Variants in LAMP5 observed in about 807,000 individuals in gnomAD.
LAMP5 encodes the protein lysosome-associated membrane glycoprotein 5.
LAMP5 carries 36 observed loss-of-function variants against 30.2 expected under a neutral mutation model. That is an observed-to-expected ratio of 1.19 (90% CI 0.91 to 1.57). The LOEUF (loss-of-function observed/expected upper bound fraction) is 1.57, where lower values mean the gene tolerates loss of function less well. LAMP5 is among the 40% of genes most tolerant of loss of function. The pLI, the probability that LAMP5 is intolerant of heterozygous loss-of-function variation, is 0.00. For synonymous variants in LAMP5, 149 were observed against 134.6 expected (o/e 1.11, Z -0.74); for missense variants, 377 against 354.9 (o/e 1.06, Z -0.50).
chr20:9,517,827 A>G (rs1020296618), intron 4 of LAMP5, among the ~76,000 whole-genome samples: 3 of 152,128 alleles, frequency 2.0e-5, no homozygotes, highest in African/African-American at 7.2e-5. Context: ...AGGAGTTCCA[A>G]ATTAATATTG....
chr20:9,528,297 G>GGTGTGT (rs61258824), intron 5 of LAMP5, among the ~76,000 whole-genome samples: 1 of 140,194 alleles, frequency 7.1e-6, no homozygotes, highest in African/African-American at 2.7e-5. Context: ...GAAGGATATG[G>GGTGTGT]GTGTGTGTGT....
At chr20:9,526,109 C>A (rs1405110365) in intron 5 of LAMP5, among the ~76,000 whole-genome samples, 1 of 152,176 alleles carries the variant, frequency 6.6e-6, no homozygotes, top group Admixed American at 6.5e-5. Context: ...GGGGCCTACT[C>A]AAGTAGCAGC....
At chr20:9,528,321 T>TGCGC (rs71331378) in intron 5 of LAMP5, among the ~76,000 whole-genome samples, 19 of 151,248 alleles carry the variant, frequency 1.3e-4, no homozygotes, top group African/African-American at 4.1e-4. Context: ...TGTGTGTGTG[T>TGCGC]GCGTGTGTGT....
intron 5 of LAMP5, among the ~76,000 whole-genome samples, chr20:9,522,884 G>T (rs941700980): frequency 3.3e-5 from 5 of 151,810 alleles, no homozygotes; most frequent in Non-Finnish European, 7.4e-5. Context: ...GTGGGATAGG[G>T]TGTATACAAT....
rs1420415682 is a variant in LAMP5, at chr20:9,529,755, C to A, written c.778C>A (p.His260Asn). The change falls in exon 6 of 6, where the codon CAC becomes AAC. Residue 260 changes from histidine to asparagine, a missense_variant. His to Asn is a moderately conservative substitution (Grantham distance 68). Transcript: ENST00000246070. The stretch of plus-strand genomic sequence containing the variant: ...AACACTCGCGATTTACCACGTCCAC[C>A]ACAAAATGACTGCCAACCAGGTGCA... ...MVTLAIYHVH[H>N]KMTANQVQIP... 1.9e-6 allele frequency: 3 copies of A among 1,614,226 alleles called. 1 individual carries two copies. In the East Asian group the frequency reaches 6.7e-5, roughly 36 times the overall value.
chr20:9,519,105 T>C (rs896360601), intron 5 of LAMP5, among the ~76,000 whole-genome samples: 3 of 152,218 alleles, frequency 2.0e-5, no homozygotes, highest in Admixed American at 6.5e-5. Flanking sequence ...TTTGTTCAAG[T>C]CAAGCAACAA....
Position 9,518,090 on chromosome 20 carries a change from G to C in LAMP5, c.526G>C (p.Ala176Pro), listed in dbSNP as rs140401099. The change falls in exon 5 of 6, where the codon GCT (alanine) becomes CCT (proline). Residue 176 changes from alanine (A) to proline (P), a missense_variant. Ala to Pro is a conservative substitution (Grantham distance 27). Transcript: ENST00000246070. ...SHHLSALVTP[A>P]GKSYECQAQQ... is the part of the protein sequence containing the mutation. ...CCACCTCTCTGCCTTGGTCACCCCCGCTGGGAAGTCCTATGAGTGTCAAGC... is the reference window on the plus strand; with the variant it reads ...CCACCTCTCTGCCTTGGTCACCCCCCCTGGGAAGTCCTATGAGTGTCAAGC... The C allele has an allele frequency of 1.2e-6, 2 of 1,614,122 alleles. No individual in the cohort carries two copies. Among genetic ancestry groups the C allele is most frequent in the Non-Finnish European group, 1.7e-6 (2 of 1,180,018 alleles).
chr20:9,515,699 C>G, intron 2 of LAMP5, 74 bp downstream of exon 2: 2 of 1,522,172 alleles, frequency 1.3e-6, no homozygotes, highest in Admixed American at 3.7e-5. Flanking sequence ...CAAGGCTCTT[C>G]GAAGACCTGG....
chr20:9,518,998 G>A (rs1222120319), intron 5 of LAMP5, among the ~76,000 whole-genome samples: 1 of 152,216 alleles, frequency 6.6e-6, no homozygotes, highest in East Asian at 1.9e-4. Flanking sequence ...TCTGAAAGGG[G>A]ACCCAGCTGT....
intron 2 of LAMP5, 69 bp from the exon 3 acceptor site, chr20:9,515,931 C>T: frequency 7.0e-7 from 1 of 1,422,552 alleles, no homozygotes; most frequent in Non-Finnish European, 9.2e-7. Context: ...AGTTTGGACG[C>T]GCCGCCCTTT....
intron 2 of LAMP5, 21 bp downstream of exon 2, chr20:9,515,646 C>G (rs75102532): frequency 3.1e-6 from 5 of 1,611,094 alleles, no homozygotes; most frequent in African/African-American, 2.7e-5. Flanking sequence ...TTTCCCCCCC[C>G]TCAGCTTGCT....
At chr20:9,517,438 AT>A (rs11379487) in intron 4 of LAMP5, among the ~76,000 whole-genome samples, 16 of 150,144 alleles carry the variant, frequency 1.1e-4, no homozygotes, top group South Asian at 6.4e-4. Flanking sequence ...ATTATTAGGG[AT>A]TTTTTTTTTC....
chr20:9,525,363 G>T (rs1199952333), intron 5 of LAMP5, among the ~76,000 whole-genome samples: 2 of 152,178 alleles, frequency 1.3e-5, no homozygotes. Flanking sequence ...CAGGCACTGT[G>T]CTTGGCCTTC....
intron 5 of LAMP5, among the ~76,000 whole-genome samples, chr20:9,524,052 T>C (rs1195226257): frequency 4.6e-5 from 7 of 152,218 alleles, no homozygotes; most frequent in Admixed American, 3.3e-4. Context: ...ATAGAAATCA[T>C]AGGTATTTTC....
intron 5 of LAMP5, among the ~76,000 whole-genome samples, chr20:9,520,000 T>C: frequency 6.6e-6 from 1 of 152,236 alleles, no homozygotes; most frequent in East Asian, 1.9e-4. Context: ...CAGAGCTACT[T>C]TCCTAAAAAT....
Position 9,529,926 on chromosome 20 carries a change from A to G in LAMP5, c.*106A>G. 3 of 1,137,900 alleles carry G rather than the reference A, an allele frequency of 2.6e-6. No individual in the cohort carries two copies. The allele number at this position is 1,137,900 out of a possible 1,614,324, so 70.5% of individuals were successfully genotyped here. On this transcript the variant is annotated 3_prime_UTR_variant, in exon 6 of 6. Transcript: ENST00000246070. The stretch of plus-strand genomic sequence containing the variant: ...CACGAGATACACCAACATAGCTACA[A>G]TCAAACAGGCCTGGGTATCTGAGGC...
At chr20:9,515,367 C>A in intron 1 of LAMP5, 86 bp from the exon 2 acceptor site, 8 of 1,304,514 alleles carry the variant, frequency 6.1e-6, no homozygotes, top group Non-Finnish European at 7.5e-6. Context: ...CACTCCAAAG[C>A]CTGCAGAGCA....
chr20:9,516,240 C>A lies in LAMP5; in HGVS notation c.370-16C>A. The A allele has an allele frequency of 1.2e-6, 2 of 1,613,678 alleles. No homozygotes were observed. The highest frequency in any genetic ancestry group is 1.7e-6 in the Non-Finnish European group (2 of 1,179,568). ...CGCTGCGGGGACGATTGAAGCGCACCTCCCCGGCTCAACAGGAAAGCCACA... is the reference window on the plus strand; with the variant it reads ...CGCTGCGGGGACGATTGAAGCGCACATCCCCGGCTCAACAGGAAAGCCACA... On this transcript the variant is annotated splice_polypyrimidine_tract_variant and intron_variant, in intron 3 of 5. Coordinates refer to ENST00000246070, the MANE Select transcript of LAMP5 (RefSeq NM_012261.4).
rs761575388 is a variant in LAMP5 at position 9,529,738 on chromosome 20, C to T, written c.761C>T (p.Ala254Val). The stretch of plus-strand genomic sequence containing the variant: ...GGCCTCGTCATCATGGTAACACTCG[C>T]GATTTACCACGTCCACCACAAAATG... ...ILGLVIMVTL[A>V]IYHVHHKMTA... is the part of the protein sequence containing the mutation. Residue 254 changes from alanine to valine, a missense_variant, in exon 6 of 6, where the codon GCG (alanine) becomes GTG (valine). Transcript: ENST00000246070. 1.7e-5 allele frequency: 28 copies of T among 1,614,072 alleles called. No homozygotes were observed. The highest frequency in any genetic ancestry group is 3.3e-5 in the South Asian group (3 of 91,092).
Sources: gnomAD v4.1 joint callset for allele counts (sites outside exome capture counted in the v4.1 genomes callset) on GRCh38, gnomAD v4.1.1 for gene constraint, MANE v1.5 for transcripts, NCBI Gene and HGNC (gene_info 2026-07-23, HGNC 2026-07-21) for gene names.